The following C12orf42 variants were observed in gnomAD, a reference collection of about 807,000 sequenced individuals.
The protein encoded by C12orf42 is uncharacterized protein C12orf42.
C12orf42 carries 25 observed loss-of-function variants against 21.6 expected under a neutral mutation model. That is an observed-to-expected ratio of 1.16 (90% CI 0.84 to 1.62). C12orf42 has a LOEUF of 1.62. C12orf42 is among the 40% of genes most tolerant of loss of function. The probability of loss-of-function intolerance (pLI) is 0.00; values close to 1 mark genes in which losing one functional copy is unlikely to be tolerated. For missense variants in C12orf42, 483 were observed against 459.3 expected (o/e 1.05, Z -0.47); for synonymous variants, 174 against 175.0 (o/e 0.99, Z 0.05).
intron 3 of C12orf42, among the ~76,000 whole-genome samples, chr12:103,379,445 CA>C (rs1224335539): frequency 6.6e-6 from 1 of 150,382 alleles, no homozygotes; most frequent in Non-Finnish European, 1.5e-5. Flanking sequence ...TCTAAGGTGT[CA>C]AAGGAAAAAA....
chr12:103,303,777 C>T (rs1196227218), intron 5 of C12orf42, among the ~76,000 whole-genome samples: 1 of 152,136 alleles, frequency 6.6e-6, no homozygotes, highest in Non-Finnish European at 1.5e-5. Flanking sequence ...GGAATCACTT[C>T]CTGAAATAAA....
At chr12:103,439,998 G>T (rs1951070836) in intron 2 of C12orf42, among the ~76,000 whole-genome samples, 1 of 149,028 alleles carries the variant, frequency 6.7e-6, no homozygotes, top group East Asian at 2.0e-4. Flanking sequence ...GCAAAGACTT[G>T]GAACCAACCC....
the C12orf42 span, among the ~76,000 whole-genome samples, chr12:103,227,401 G>A: frequency 8.7e-4 from 132 of 152,020 alleles, 1 homozygote; most frequent in African/African-American, 2.6e-3. Context: ...ATAAGAGGTC[G>A]GGGTGTGGAA....
the C12orf42 span, chr12:103,505,277 C>G: frequency 4.0e-6 from 1 of 250,400 alleles, no homozygotes; most frequent in Non-Finnish European, 8.0e-6. Flanking sequence ...GCAGACTCCC[C>G]TCACATCAAG....
the C12orf42 span, among the ~76,000 whole-genome samples, chr12:103,228,902 A>C: frequency 1.2e-4 from 18 of 149,394 alleles, no homozygotes; most frequent in South Asian, 3.6e-3. Flanking sequence ...TCACTTGGGA[A>C]TCTTGCTCTG....
chr12:103,254,050 C>T (rs1283006766), intron 10 of C12orf42, among the ~76,000 whole-genome samples: 5 of 152,170 alleles, frequency 3.3e-5, no homozygotes, highest in Admixed American at 2.0e-4. Flanking sequence ...AATTATTTGC[C>T]CATGCGTATG....
chr12:103,480,172 C>A (rs1382159393), intron 1 of C12orf42, among the ~76,000 whole-genome samples: 1 of 151,736 alleles, frequency 6.6e-6, no homozygotes, highest in Non-Finnish European at 1.5e-5. Context: ...TAGTAAACTG[C>A]ATTTTTCAAA....
the C12orf42 span, among the ~76,000 whole-genome samples, chr12:103,093,851 G>A: frequency 1.3e-5 from 2 of 152,190 alleles, no homozygotes; most frequent in Non-Finnish European, 2.9e-5. Flanking sequence ...AGACTTAGAT[G>A]TCCTAAGTCC....
the C12orf42 span, among the ~76,000 whole-genome samples, chr12:103,088,513 C>T: frequency 8.5e-5 from 13 of 152,286 alleles, no homozygotes; most frequent in East Asian, 2.1e-3. Context: ...CACCTCTTTC[C>T]TCTTCCCACC....
chr12:103,076,095 C>A, the C12orf42 span, among the ~76,000 whole-genome samples: 2 of 151,728 alleles, frequency 1.3e-5, no homozygotes, highest in African/African-American at 4.8e-5. Context: ...GGGGCTAGGG[C>A]GAGGGATAGT....
chr12:103,054,395 T>A, the C12orf42 span, among the ~76,000 whole-genome samples: 1 of 151,900 alleles, frequency 6.6e-6, no homozygotes, highest in African/African-American at 2.4e-5. Flanking sequence ...ATTGCTAGCA[T>A]ATAGGAATAC....
chr12:103,213,268 T>C, the C12orf42 span, among the ~76,000 whole-genome samples: 3 of 152,306 alleles, frequency 2.0e-5, no homozygotes, highest in African/African-American at 7.2e-5. Context: ...AGGAAACTGA[T>C]GCCAGGAGAA....
At chr12:103,421,616 TA>T (rs2049916676) in intron 2 of C12orf42, among the ~76,000 whole-genome samples, 2 of 148,970 alleles carry the variant, frequency 1.3e-5, no homozygotes, top group African/African-American at 4.9e-5. Context: ...AATAAATAAA[TA>T]AATATCAGCA....
At chr12:103,373,038 T>C (rs372651201) in intron 3 of C12orf42, among the ~76,000 whole-genome samples, 11 of 152,150 alleles carry the variant, frequency 7.2e-5, no homozygotes, top group East Asian at 1.9e-4. Flanking sequence ...CATTTCTTCA[T>C]TGGGCAGGGG....
chr12:103,140,732 T>A, the C12orf42 span, among the ~76,000 whole-genome samples: 34 of 152,068 alleles, frequency 2.2e-4, no homozygotes, highest in Admixed American at 3.9e-4. Context: ...AAACAAACTT[T>A]AAAAAAATGG....
chr12:103,318,044 G>A (rs931003887), intron 4 of C12orf42, among the ~76,000 whole-genome samples: 1 of 152,158 alleles, frequency 6.6e-6, no homozygotes, highest in African/African-American at 2.4e-5. Flanking sequence ...GCTCACGTCT[G>A]TAATCTCAGC....
intron 3 of C12orf42, among the ~76,000 whole-genome samples, chr12:103,394,030 A>G (rs542316054): frequency 3.0e-4 from 45 of 152,344 alleles, no homozygotes; most frequent in African/African-American, 8.9e-4. Flanking sequence ...TAGTTTTGCC[A>G]AAATGAATGG....
chr12:103,258,447 A>G (rs1242758361), intron 10 of C12orf42, among the ~76,000 whole-genome samples: 1 of 152,118 alleles, frequency 6.6e-6, no homozygotes, highest in East Asian at 1.9e-4. Context: ...CCACATCACC[A>G]TTATACCAGT....
the C12orf42 span, among the ~76,000 whole-genome samples, chr12:103,200,421 C>T: frequency 5.3e-3 from 799 of 152,108 alleles, 6 homozygotes; most frequent in Non-Finnish European, 4.8e-3. Flanking sequence ...ATTATAGCAC[C>T]TAAAGTTAAC....
Sources: gnomAD v4.1 joint callset for allele counts (sites outside exome capture counted in the v4.1 genomes callset) on GRCh38, gnomAD v4.1.1 for gene constraint, MANE v1.5 for transcripts, NCBI Gene and HGNC (gene_info 2026-07-23, HGNC 2026-07-21) for gene names.